The following SCGN variants were observed in gnomAD, a reference collection of about 807,000 sequenced individuals.
The protein encoded by SCGN is secretagogin, EF-hand calcium binding protein.
A neutral mutation model predicts 39.7 loss-of-function variants in SCGN; 30 were observed. The observed-to-expected ratio is 0.76, with a 90% CI of 0.57 to 1.03. SCGN has a LOEUF of 1.03. Ranked by LOEUF, SCGN falls within the 50% of genes least tolerant of loss-of-function variation. The pLI is 0.00. For synonymous variants in SCGN, 106 were observed against 114.1 expected (o/e 0.93, Z 0.45); for missense variants, 353 against 349.4 (o/e 1.01, Z -0.08).
At chr6:25,665,599 G>A (rs1261037231) in intron 4 of SCGN, among the ~76,000 whole-genome samples, 3 of 152,154 alleles carry the variant, frequency 2.0e-5, no homozygotes, top group Non-Finnish European at 4.4e-5. Flanking sequence ...CCCTCGCTCA[G>A]CCTCTCAGTG....
intron 7 of SCGN, among the ~76,000 whole-genome samples, chr6:25,683,085 C>CT (rs909460254): frequency 1.3e-5 from 2 of 152,134 alleles, no homozygotes; most frequent in African/African-American, 4.8e-5. Context: ...TCCTTGGCTA[C>CT]TTTTTTTAGG....
chr6:25,694,787 T>C (rs2151383562), intron 10 of SCGN, among the ~76,000 whole-genome samples: 1 of 152,396 alleles, frequency 6.6e-6, no homozygotes, highest in Non-Finnish European at 1.5e-5. Context: ...ATATAATTTG[T>C]ATGCTGTAGT....
chr6:25,690,850 T>G (rs966241842), intron 9 of SCGN, among the ~76,000 whole-genome samples: 34 of 152,248 alleles, frequency 2.2e-4, no homozygotes, highest in African/African-American at 8.2e-4. Flanking sequence ...ACTTCTCATT[T>G]GGTTACATGG....
At chr6:25,673,211 G>C (rs1276028893) in intron 6 of SCGN, among the ~76,000 whole-genome samples, 1 of 152,130 alleles carries the variant, frequency 6.6e-6, no homozygotes, top group Non-Finnish European at 1.5e-5. Flanking sequence ...CCCTCTTGGG[G>C]TGCTTGGAGG....
At chr6:25,656,578 A>G (rs1476656677) in intron 2 of SCGN, among the ~76,000 whole-genome samples, 1 of 152,178 alleles carries the variant, frequency 6.6e-6, no homozygotes, top group Non-Finnish European at 1.5e-5. Flanking sequence ...CTATGTGTAC[A>G]TACCCCTCAC....
intron 2 of SCGN, among the ~76,000 whole-genome samples, chr6:25,654,397 C>T (rs146904972): frequency 1.3e-5 from 2 of 152,106 alleles, no homozygotes; most frequent in African/African-American, 4.8e-5. Flanking sequence ...ATCTCTTGGT[C>T]CCCCTCTACT....
chr6:25,688,829 A>G (rs1433092148), intron 7 of SCGN, among the ~76,000 whole-genome samples: 1 of 147,138 alleles, frequency 6.8e-6, no homozygotes, highest in African/African-American at 2.5e-5. Flanking sequence ...TTTTTTCAGA[A>G]TAAACACTCC....
At chr6:25,654,100 G>A (rs1448168319) in intron 2 of SCGN, among the ~76,000 whole-genome samples, 3 of 152,168 alleles carry the variant, frequency 2.0e-5, no homozygotes, top group Admixed American at 6.5e-5. Flanking sequence ...CATGAGCGGA[G>A]GACAGCCTGG....
chr6:25,658,852 A>G (rs1040608063), intron 2 of SCGN, among the ~76,000 whole-genome samples: 2 of 152,198 alleles, frequency 1.3e-5, no homozygotes, highest in Non-Finnish European at 2.9e-5. Flanking sequence ...TTGCTGACAA[A>G]AGTTTGTGTA....
intron 5 of SCGN, 55 bp downstream of exon 5, chr6:25,669,622 G>T: frequency 1.4e-6 from 2 of 1,444,294 alleles, no homozygotes; most frequent in Non-Finnish European, 1.9e-6. Flanking sequence ...TTTGATATGT[G>T]TGTATCATGA....
Position 25,669,979 on chromosome 6 carries a change from T to C in SCGN, c.394-20T>C, listed in dbSNP as rs1759473045. ...TATTTGCTCACTATATAAAGTATGATTCTTCTCTTGGCGCCACAGAACTTC... is the reference window on the plus strand; with the variant it reads ...TATTTGCTCACTATATAAAGTATGACTCTTCTCTTGGCGCCACAGAACTTC... On this transcript the variant is annotated intron_variant, in intron 5 of 10. Transcript: ENST00000377961. 1.2e-6 allele frequency: 2 copies of C among 1,603,156 alleles called. No individual in the cohort carries two copies. Among genetic ancestry groups the C allele is most frequent in the East Asian group, 4.5e-5 (2 of 44,830 alleles).
chr6:25,676,779 TCTTCCATC>T (rs1759568349), intron 6 of SCGN, among the ~76,000 whole-genome samples: 1 of 58,996 alleles, frequency 1.7e-5, no homozygotes, highest in Admixed American at 1.8e-4. Flanking sequence ...TTCCATCCCC[TCTTCCATC>T]CCCTCTTTCC....
At chr6:25,674,096 G>T (rs1759535275) in intron 6 of SCGN, among the ~76,000 whole-genome samples, 1 of 152,078 alleles carries the variant, frequency 6.6e-6, no homozygotes. Context: ...TCAGAAATCT[G>T]CCCCCATGAT....
Position 25,661,035 on chromosome 6 carries a change from C to T in SCGN, c.154-517C>T, listed in dbSNP as rs1002105989. On this transcript the variant is annotated intron_variant, in intron 2 of 10. Transcript: ENST00000377961. ...GGAGTTGTAACATCTTTGGTTAACT[C>T]GGCAATTACCTTATTACTTTGGTCT... is the stretch of plus-strand genomic sequence containing the variant. 5.3e-5 allele frequency among the ~76,000 whole-genome samples: 8 copies of T among 152,158 alleles called. No homozygotes were observed. In the East Asian group the frequency reaches 1.3e-3, roughly 26 times the overall value.
intron 2 of SCGN, among the ~76,000 whole-genome samples, chr6:25,654,105 GC>G (rs1379845839): frequency 2.0e-5 from 3 of 152,224 alleles, no homozygotes; most frequent in Non-Finnish European, 4.4e-5. Flanking sequence ...GCGGAGGACA[GC>G]CTGGGGATGG....
At chr6:25,676,826 T>C (rs1759569141) in intron 6 of SCGN, among the ~76,000 whole-genome samples, 2 of 152,206 alleles carry the variant, frequency 1.3e-5, no homozygotes, top group African/African-American at 4.8e-5. Flanking sequence ...CATGAATCTT[T>C]GTTTGTTCAG....
At position 25,652,245 on chromosome 6, in the gene SCGN, C is replaced by G. The variant is rs1433546525; in HGVS notation, c.-159C>G. ...GGGCTGAGGGACGGCTCAGCGACGCCACGGCCAGCAGCGCTCGCGTCCTCC... is the reference window on the plus strand; with the variant it reads ...GGGCTGAGGGACGGCTCAGCGACGCGACGGCCAGCAGCGCTCGCGTCCTCC... On this transcript the variant is annotated 5_prime_UTR_variant, in exon 1 of 11. Coordinates refer to ENST00000377961, the MANE Select transcript of SCGN (RefSeq NM_006998.4). 1 of 630,276 alleles carries G rather than the reference C, an allele frequency of 1.6e-6. No individual in the cohort carries two copies. The highest frequency in any genetic ancestry group is 2.8e-6 in the Non-Finnish European group (1 of 360,342). 39.0% of individuals were successfully genotyped at this position (630,276 alleles called of 1,614,324 possible). A position where few individuals can be genotyped will look rare whatever the true frequency, so the allele number is the denominator to read the frequency against.
intron 10 of SCGN, among the ~76,000 whole-genome samples, chr6:25,692,916 A>G (rs1759790422): frequency 6.6e-6 from 1 of 152,156 alleles, no homozygotes; most frequent in African/African-American, 2.4e-5. Context: ...GAGGCCGTGT[A>G]AAATGGGAGA....
At chr6:25,661,716 G>A in intron 3 of SCGN, 72 bp downstream of exon 3, 1 of 1,010,760 alleles carries the variant, frequency 9.9e-7, no homozygotes, top group East Asian at 2.5e-5. Context: ...TATCGTCTTG[G>A]GCTGTAATAT....
Sources: allele counts gnomAD v4.1 joint callset (sites outside exome capture counted in the v4.1 genomes callset), GRCh38; gene constraint gnomAD v4.1.1; transcripts MANE v1.5; gene names NCBI Gene and HGNC (gene_info 2026-07-23, HGNC 2026-07-21).